The following SLC12A1 variants were observed in gnomAD, a reference collection of about 807,000 sequenced individuals.
SLC12A1 encodes the protein Na-K-2Cl cotransporter.
In SLC12A1, 89 loss-of-function variants were observed where a neutral mutation model predicts 130.4. That is an observed-to-expected ratio of 0.68 (90% CI 0.58 to 0.81). The LOEUF (loss-of-function observed/expected upper bound fraction) is 0.81. SLC12A1 is among the 40% of genes least tolerant of loss of function. SLC12A1 has a pLI of 0.00. For synonymous variants in SLC12A1, 499 were observed against 460.0 expected (o/e 1.08, Z -1.09); for missense variants, 1,310 against 1,336.4 (o/e 0.98, Z 0.31).
intron 2 of SLC12A1, among the ~76,000 whole-genome samples, chr15:48,219,958 A>C (rs1183392743): frequency 6.6e-6 from 1 of 151,518 alleles, no homozygotes; most frequent in Non-Finnish European, 1.5e-5. Context: ...AAATACAAAA[A>C]ATTAGCTGAG....
At chr15:48,249,736 C>A in intron 14 of SLC12A1, 60 bp downstream of exon 14, 1 of 1,197,746 alleles carries the variant, frequency 8.3e-7, no homozygotes, top group Non-Finnish European at 1.2e-6. Context: ...CTCAATAAAA[C>A]GAAATAAATC....
intron 14 of SLC12A1, 125 bp downstream of exon 14, chr15:48,249,801 G>A (rs913131657): frequency 8.2e-5 from 56 of 679,598 alleles, no homozygotes; most frequent in South Asian, 2.8e-4. Context: ...AGTGGGAAGC[G>A]TAATCCACTT....
intron 24 of SLC12A1, among the ~76,000 whole-genome samples, chr15:48,294,177 C>T (rs151201733): frequency 0.03 from 4,480 of 151,524 alleles, 218 homozygotes; most frequent in African/African-American, 0.1. Context: ...GGTGAAACCC[C>T]GTCTCTACTA....
At chr15:48,289,289 TCCTGGAA>T (rs2042092787) in intron 23 of SLC12A1, among the ~76,000 whole-genome samples, 1 of 150,516 alleles carries the variant, frequency 6.6e-6, no homozygotes, top group African/African-American at 2.4e-5. Context: ...TCTGAGCCCT[TCCTGGAA>T]CCAGCACTTC....
chr15:48,287,493 T>G lies in SLC12A1; in HGVS notation c.2630-550T>G, dbSNP rs149490197. On this transcript the variant is annotated intron_variant, in intron 21 of 26. Transcript: ENST00000380993. ...ACTAAGAGACTAAATAGTCATAGAG[T>G]TCAAGATGCACACAGTCCCTGGCAA... 5.8e-3 allele frequency among the ~76,000 whole-genome samples: 878 copies of G among 151,872 alleles called. 9 individuals are homozygous for G. The highest frequency in any genetic ancestry group is 0.021 in the African/African-American group (849 of 41,398).
chr15:48,263,203 T>C (rs1744842189), intron 17 of SLC12A1, among the ~76,000 whole-genome samples: 1 of 152,180 alleles, frequency 6.6e-6, no homozygotes, highest in African/African-American at 2.4e-5. Context: ...AATAAACAGA[T>C]ATACATTTAA....
chr15:48,236,713 A>T (rs1259983933), intron 9 of SLC12A1, among the ~76,000 whole-genome samples: 2 of 152,206 alleles, frequency 1.3e-5, no homozygotes, highest in East Asian at 3.8e-4. Context: ...GCATAAAAAT[A>T]TTATGCTGAA....
chr15:48,221,565 T>C, intron 4 of SLC12A1: 1 of 462,306 alleles, frequency 2.2e-6, no homozygotes, highest in Non-Finnish European at 3.8e-6. Flanking sequence ...AATATGTGCA[T>C]TACTGTTATT....
chr15:48,233,936 A>G (rs2041409095), intron 8 of SLC12A1, among the ~76,000 whole-genome samples: 1 of 137,288 alleles, frequency 7.3e-6, no homozygotes, highest in Admixed American at 7.2e-5. Flanking sequence ...TTTCCTTTTT[A>G]TTTAATAATT....
intron 9 of SLC12A1, among the ~76,000 whole-genome samples, chr15:48,239,063 G>T (rs2041471268): frequency 6.6e-6 from 1 of 152,144 alleles, no homozygotes; most frequent in African/African-American, 2.4e-5. Context: ...TTAGGTTTTG[G>T]GTTACTGCGT....
At chr15:48,241,243 C>G (rs571918034) in intron 9 of SLC12A1, among the ~76,000 whole-genome samples, 1 of 152,266 alleles carries the variant, frequency 6.6e-6, no homozygotes, top group South Asian at 2.1e-4. Flanking sequence ...AGTGAACTAC[C>G]TACTATACTT....
chr15:48,226,325 G>C (rs2041285224), intron 4 of SLC12A1, 151 bp from the exon 5 acceptor site: 1 of 560,288 alleles, frequency 1.8e-6, no homozygotes, highest in African/African-American at 2.0e-5. Context: ...TTTATGCCAG[G>C]CAAACCAGTT....
At chr15:48,268,795 G>T (rs1350533723) in intron 18 of SLC12A1, among the ~76,000 whole-genome samples, 1 of 152,024 alleles carries the variant, frequency 6.6e-6, no homozygotes, top group Admixed American at 6.6e-5. Context: ...GGTTAAATAT[G>T]TTGTCACTAT....
chr15:48,301,507 G>GGGGC lies in SLC12A1; in HGVS notation c.3164+128_3164+129insCGGG, dbSNP rs1566862563. The GGGGC allele has an allele frequency of 1.1e-5, 6 of 534,620 alleles. No homozygotes were observed. In the African/African-American group the frequency reaches 1.3e-4, roughly 11 times the overall value. The allele number at this position is 534,620 out of a possible 1,614,324, so 33.1% of individuals were successfully genotyped here. ...TTTTGTTTTTGTGTTTTTTTTGGGG[G>GGGGC]GGGGAACACGTGGGATTCTTAGACA... On this transcript the variant is annotated intron_variant, in intron 26 of 26. Transcript: ENST00000380993.
intron 24 of SLC12A1, 85 bp from the exon 25 acceptor site, chr15:48,299,055 C>T: frequency 8.5e-7 from 1 of 1,170,088 alleles, no homozygotes; most frequent in Non-Finnish European, 1.2e-6. Flanking sequence ...ATTCCACAGC[C>T]AGCAGAGCCA....
In SLC12A1 at chr15:48,281,431, C is replaced by T. The variant is rs573617413; in HGVS notation, c.2486-3675C>T. On this transcript the variant is annotated intron_variant, in intron 20 of 26. Coordinates refer to ENST00000380993, the MANE Select transcript of SLC12A1 (RefSeq NM_000338.3). The stretch of plus-strand genomic sequence containing the variant: ...GAATAAAGGTTTAAGCAAGGTATTA[C>T]GGAAATACAGAGGAGATTGATTCTG... Among the ~76,000 whole-genome samples, 10 of 152,252 alleles carry T rather than the reference C, an allele frequency of 6.6e-5. No individual in the cohort carries two copies. The South Asian group carries it at 1.2e-3, about 19-fold the overall frequency.
intron 5 of SLC12A1, chr15:48,228,142 T>G (rs1234916688): frequency 1.3e-5 from 2 of 152,246 alleles, no homozygotes; most frequent in African/African-American, 4.8e-5. Flanking sequence ...AGTCATAATC[T>G]TACTATGGTC....
chr15:48,285,767 G>T (rs765995085), intron 21 of SLC12A1, among the ~76,000 whole-genome samples: 2 of 152,226 alleles, frequency 1.3e-5, no homozygotes, highest in Non-Finnish European at 2.9e-5. Context: ...TCATCTAAAT[G>T]CTACACTTAT....
intron 21 of SLC12A1, among the ~76,000 whole-genome samples, chr15:48,286,118 T>G (rs940746594): frequency 3.9e-5 from 6 of 152,184 alleles, no homozygotes; most frequent in African/African-American, 1.4e-4. Flanking sequence ...CGCCAACCCT[T>G]TAAAGAGGCC....
Sources: allele counts gnomAD v4.1 joint callset (sites outside exome capture counted in the v4.1 genomes callset), GRCh38; gene constraint gnomAD v4.1.1; transcripts MANE v1.5; gene names NCBI Gene and HGNC (gene_info 2026-07-23, HGNC 2026-07-21).